Variants in ESRRG observed in about 807,000 individuals in gnomAD.
ESRRG encodes the protein estrogen related receptor gamma.
A neutral mutation model predicts 44.0 loss-of-function variants in ESRRG; 13 were observed. The ratio of observed to expected loss-of-function variants is 0.30; its 90% CI spans 0.19 to 0.47. The LOEUF (loss-of-function observed/expected upper bound fraction) is 0.47. ESRRG is among the 20% of genes least tolerant of loss of function. The probability of loss-of-function intolerance (pLI) is 1.00; values close to 1 mark genes in which losing one functional copy is unlikely to be tolerated. For synonymous variants in ESRRG, 215 were observed against 214.6 expected, an observed-to-expected ratio of 1.00 and a Z score of -0.02; for missense variants, 395 against 580.6, an observed-to-expected ratio of 0.68 and a Z score of 3.29.
chr1:216,713,862 G>T (rs533281178), intron 1 of ESRRG, among the ~76,000 whole-genome samples: 1 of 152,260 alleles, frequency 6.6e-6, no homozygotes, highest in South Asian at 2.1e-4. Flanking sequence ...CAGTAGAAGT[G>T]ATTATTCTTT....
chr1:216,944,022 A>T (rs969250187), intron 1 of ESRRG, among the ~76,000 whole-genome samples: 7 of 152,196 alleles, frequency 4.6e-5, no homozygotes. Context: ...TCTTTTGAAA[A>T]GAAAAGTGCC....
chr1:216,641,179 GTCC>G (rs1450506326), intron 3 of ESRRG, among the ~76,000 whole-genome samples: 1 of 152,114 alleles, frequency 6.6e-6, no homozygotes, highest in Non-Finnish European at 1.5e-5. Context: ...CTTTCTCTCT[GTCC>G]TCTCTAAGAC....
At chr1:216,786,691 A>G (rs2094138393) in intron 2 of ESRRG, among the ~76,000 whole-genome samples, 2 of 152,192 alleles carry the variant, frequency 1.3e-5, no homozygotes, top group Admixed American at 6.6e-5. Flanking sequence ...TACAACGAGT[A>G]CATATGTGCT....
intron 3 of ESRRG, among the ~76,000 whole-genome samples, chr1:216,636,413 A>G (rs1312575146): frequency 6.6e-6 from 1 of 152,224 alleles, no homozygotes; most frequent in Non-Finnish European, 1.5e-5. Context: ...AAAAAGAATA[A>G]GGTATGCCTT....
intron 1 of ESRRG, among the ~76,000 whole-genome samples, chr1:217,061,240 T>C (rs2088418366): frequency 1.3e-5 from 2 of 152,112 alleles, no homozygotes; most frequent in South Asian, 4.1e-4. Flanking sequence ...CAGAGCATGA[T>C]TCAACCCCCT....
chr1:216,738,076 T>A (rs946473), intron 2 of ESRRG, among the ~76,000 whole-genome samples: 83,768 of 150,298 alleles, frequency 0.56, 23,878 homozygotes, highest in East Asian at 0.73. Flanking sequence ...CTGGTTCCAC[T>A]TTGGAATCAC....
At chr1:216,609,318 T>C (rs1020653909) in intron 3 of ESRRG, among the ~76,000 whole-genome samples, 1 of 152,252 alleles carries the variant, frequency 6.6e-6, no homozygotes, top group East Asian at 1.9e-4. Context: ...GCACAATACC[T>C]GGCATATTAA....
At chr1:216,707,234 A>ATTTTT in intron 1 of ESRRG, 4 of 1,063,540 alleles carry the variant, frequency 3.8e-6, no homozygotes, top group Non-Finnish European at 5.3e-6. Flanking sequence ...CTTTAAAAGC[A>ATTTTT]TTTTTTTTTC....
At chr1:216,620,618 C>T (rs1033578034) in intron 3 of ESRRG, among the ~76,000 whole-genome samples, 1 of 152,166 alleles carries the variant, frequency 6.6e-6, no homozygotes, top group South Asian at 2.1e-4. Context: ...CCCTTCACCT[C>T]TAATTCATTC....
At chr1:216,627,387 G>A (rs2063362149) in intron 3 of ESRRG, among the ~76,000 whole-genome samples, 1 of 151,938 alleles carries the variant, frequency 6.6e-6, no homozygotes, top group African/African-American at 2.4e-5. Flanking sequence ...ATTGTATCTG[G>A]TTTTTACTCT....
At chr1:216,682,916 C>G (rs537420153) in intron 1 of ESRRG, among the ~76,000 whole-genome samples, 2 of 152,150 alleles carry the variant, frequency 1.3e-5, no homozygotes, top group Admixed American at 6.5e-5. Flanking sequence ...CGTAAAGTGG[C>G]AAAATGTGAA....
At chr1:217,001,836 T>A (rs1195110641) in intron 1 of ESRRG, among the ~76,000 whole-genome samples, 3 of 152,162 alleles carry the variant, frequency 2.0e-5, no homozygotes, top group Non-Finnish European at 4.4e-5. Flanking sequence ...ACAGAGAGAA[T>A]GACCAGACTT....
intron 3 of ESRRG, among the ~76,000 whole-genome samples, chr1:216,600,680 A>C (rs1463095377): frequency 1.3e-5 from 2 of 152,192 alleles, no homozygotes; most frequent in African/African-American, 4.8e-5. Context: ...AAAATCCCAA[A>C]TAAATAAATC....
intron 1 of ESRRG, among the ~76,000 whole-genome samples, chr1:217,014,657 C>T (rs184606037): frequency 9.2e-5 from 14 of 152,292 alleles, no homozygotes; most frequent in Non-Finnish European, 1.8e-4. Context: ...GACCTATAAG[C>T]TCCATCCTGG....
intron 1 of ESRRG, among the ~76,000 whole-genome samples, chr1:216,693,900 A>G (rs1009745296): frequency 1.3e-5 from 2 of 152,198 alleles, no homozygotes; most frequent in African/African-American, 4.8e-5. Flanking sequence ...TTCACACACA[A>G]AAAAAGTTGT....
At chr1:216,978,283 C>T (rs1456917731) in intron 1 of ESRRG, among the ~76,000 whole-genome samples, 1 of 152,122 alleles carries the variant, frequency 6.6e-6, no homozygotes, top group Non-Finnish European at 1.5e-5. Context: ...TCCATATTGC[C>T]TAAAGCTACT....
chr1:216,993,619 A>C (rs1444417368), intron 1 of ESRRG, among the ~76,000 whole-genome samples: 1 of 152,160 alleles, frequency 6.6e-6, no homozygotes, highest in Admixed American at 6.5e-5. Flanking sequence ...TGATGAGGGC[A>C]GATCCAAGGT....
intron 2 of ESRRG, among the ~76,000 whole-genome samples, chr1:216,806,138 GT>G (rs1436855370): frequency 6.6e-6 from 1 of 152,214 alleles, no homozygotes; most frequent in Non-Finnish European, 1.5e-5. Context: ...GTGCAAGCAA[GT>G]GGAACCATCA....
chr1:216,778,792 C>G (rs1453462714), intron 2 of ESRRG, among the ~76,000 whole-genome samples: 2 of 151,902 alleles, frequency 1.3e-5, no homozygotes, highest in African/African-American at 4.8e-5. Context: ...GAAGAAGTAT[C>G]TAACTTCATT....
Sources: gnomAD v4.1 joint callset for allele counts (sites outside exome capture counted in the v4.1 genomes callset) on GRCh38, gnomAD v4.1.1 for gene constraint, MANE v1.5 for transcripts, NCBI Gene and HGNC (gene_info 2026-07-23, HGNC 2026-07-21) for gene names.